The following PARVB variants were observed in gnomAD, a reference collection of about 807,000 sequenced individuals.
PARVB encodes the protein beta-parvin.
A neutral mutation model predicts 47.0 loss-of-function variants in PARVB; 46 were observed. That is an observed-to-expected ratio of 0.98 (90% CI 0.77 to 1.25). PARVB has a LOEUF of 1.25. PARVB is among the 50% of genes most tolerant of loss of function. The pLI, the probability that PARVB is intolerant of heterozygous loss-of-function variation, is 0.00. For synonymous variants in PARVB, 196 were observed against 196.3 expected (o/e 1.00, Z 0.01); for missense variants, 473 against 471.6 (o/e 1.00, Z -0.03).
Position 44,089,603 on chromosome 22 carries a change from C to T in PARVB, c.113-4325C>T, listed in dbSNP as rs1325191191. The T allele has an allele frequency of 3.2e-5, 4 of 125,154 alleles. No individual in the cohort carries two copies. The highest frequency in any genetic ancestry group is 3.0e-4 in the South Asian group (1 of 3,362). 7.8% of individuals were successfully genotyped at this position (125,154 alleles called of 1,614,324 possible). On this transcript the variant is annotated intron_variant, in intron 1 of 12. Coordinates refer to ENST00000338758, the MANE Select transcript of PARVB (RefSeq NM_013327.5). The surrounding 1 kb of genome is among the most constrained non-coding windows in gnomAD (Gnocchi z 4.0). Reference sequence around the variant, plus strand: ...TCACTGAAAGCCAGTAAACTGGCACCGTTCAGGTGGCGGGGGGGTCGGGGG... The same window carrying T: ...TCACTGAAAGCCAGTAAACTGGCACTGTTCAGGTGGCGGGGGGGTCGGGGG...
chr22:44,126,741 G>A (rs187040771), intron 4 of PARVB, among the ~76,000 whole-genome samples: 1 of 152,176 alleles, frequency 6.6e-6, no homozygotes, highest in Non-Finnish European at 1.5e-5. Context: ...AAGCAAACTT[G>A]AGTGTTTTGT....
Position 44,068,920 on chromosome 22 carries a change from C to G in PARVB, c.113-25008C>G. The G allele has an allele frequency of 1.8e-6, 1 of 564,516 alleles. No individual in the cohort carries two copies. The highest frequency in any genetic ancestry group is 1.9e-5 in the African/African-American group (1 of 53,380). The allele number at this position is 564,516 out of a possible 1,614,324, so 35.0% of individuals were successfully genotyped here. On this transcript the variant is annotated intron_variant, in intron 1 of 12. Transcript: ENST00000338758. This position sits in a 1 kb window ranked among gnomAD's most constrained non-coding sequence, Gnocchi z 4.1. Reference sequence around the variant, plus strand: ...CCTGGCCCATGAGGCTGATGGGAGTCAAGACAGAAATAGTGGTCTGTGGTC... The same window carrying G: ...CCTGGCCCATGAGGCTGATGGGAGTGAAGACAGAAATAGTGGTCTGTGGTC...
At chr22:44,091,617 C>T (rs1483313641) in intron 1 of PARVB, among the ~76,000 whole-genome samples, 1 of 152,188 alleles carries the variant, frequency 6.6e-6, no homozygotes, top group Non-Finnish European at 1.5e-5. Context: ...GCAGAACATT[C>T]TCAAGGTTCA....
In PARVB at chr22:44,024,421, A is replaced by C; in HGVS notation, c.82A>C (p.Thr28Pro). The change falls in exon 1 of 13, where the codon ACC becomes CCC. Residue 28 changes from threonine (T) to proline (P), a missense_variant. By Grantham distance (38) the Thr-to-Pro change is conservative (BLOSUM62 -1). Coordinates refer to ENST00000338758, the MANE Select transcript of PARVB (RefSeq NM_013327.5). ...GTCGTTCCTGGGCAAGCTGGGCGGC[A>C]CCCTGGCCAGGAAGCGGAGGGCGCG... ...DESFLGKLGG[T>P]LARKRRAREV... 2 of 1,230,158 alleles carry C rather than the reference A, an allele frequency of 1.6e-6. No homozygotes were observed. The highest frequency in any genetic ancestry group is 4.2e-5 in the East Asian group (1 of 23,550). The allele number at this position is 1,230,158 out of a possible 1,614,324, so 76.2% of individuals were successfully genotyped here.
intron 2 of PARVB, among the ~76,000 whole-genome samples, chr22:44,016,097 TTC>T (rs780909917): frequency 8.7e-5 from 8 of 91,552 alleles, no homozygotes; most frequent in South Asian, 4.1e-4. Context: ...CTTTCTTTCT[TTC>T]TTTTTTTTTT....
chr22:44,116,935 C>T (rs983544074), intron 3 of PARVB, among the ~76,000 whole-genome samples: 1 of 152,050 alleles, frequency 6.6e-6, no homozygotes, highest in African/African-American at 2.4e-5. Context: ...GGCTGTGGCC[C>T]AGGGGCAAGA....
intron 4 of PARVB, among the ~76,000 whole-genome samples, chr22:44,122,548 G>GAGAGAT (rs1569134494): frequency 1.1e-5 from 1 of 92,024 alleles, no homozygotes; most frequent in Non-Finnish European, 2.1e-5. Context: ...GAGAGAGAGA[G>GAGAGAT]AGAGACACAG....
intron 4 of PARVB, 82 bp from the exon 5 acceptor site, chr22:44,131,405 C>G (rs1601653769): frequency 6.7e-7 from 1 of 1,496,334 alleles, no homozygotes; most frequent in Non-Finnish European, 9.1e-7. Flanking sequence ...GCCTCTCAAA[C>G]TGCTGGGATT....
At chr22:44,130,568 A>T (rs1180643214) in intron 4 of PARVB, among the ~76,000 whole-genome samples, 1 of 152,210 alleles carries the variant, frequency 6.6e-6, no homozygotes, top group Non-Finnish European at 1.5e-5. Context: ...AGTTCTGTGA[A>T]TATCTAATCT....
chr22:44,082,029 G>C (rs1417956654), intron 1 of PARVB, among the ~76,000 whole-genome samples: 3 of 152,208 alleles, frequency 2.0e-5, no homozygotes, highest in Admixed American at 6.5e-5. Flanking sequence ...ATTAGGATGA[G>C]AGTGGTCAGG....
intron 10 of PARVB, among the ~76,000 whole-genome samples, chr22:44,157,065 A>C (rs111762451): frequency 2.0e-5 from 3 of 152,384 alleles, no homozygotes; most frequent in African/African-American, 7.2e-5. Flanking sequence ...ATAAGTTAGC[A>C]ACATTCAAAC....
Position 44,100,110 on chromosome 22 carries a change from AG to A in PARVB, c.262del (p.Glu88AsnfsTer21). ...DPTSKEDPKF[K>X]ELVKVLLDWI... is the part of the protein sequence containing the mutation. ...ACTTCCAAGGAAGACCCCAAGTTCA[AG>A]GAACTGGTCAAGGTAAGGAGCTCCG... On this transcript the variant is annotated frameshift_variant, in exon 3 of 13. Coordinates refer to ENST00000338758, the MANE Select transcript of PARVB (RefSeq NM_013327.5). LOFTEE classifies it high-confidence loss of function. 1 of 1,613,514 alleles carries A rather than the reference AG, an allele frequency of 6.2e-7. No homozygotes were observed. The highest frequency in any genetic ancestry group is 8.5e-7 in the Non-Finnish European group (1 of 1,179,438).
rs534256705 is a variant in PARVB, at chr22:44,132,296, C to T, written c.518-598C>T. 2.0e-5 allele frequency among the ~76,000 whole-genome samples: 3 copies of T among 152,288 alleles called. No homozygotes were observed. In the East Asian group the frequency reaches 5.8e-4, roughly 29 times the overall value. Reference sequence around the variant, plus strand: ...GACCTTGGGCAGACCCAGGCTGTCTCGTGGGTGGCTGGGTCCGTGGGTGGG... The same window carrying T: ...GACCTTGGGCAGACCCAGGCTGTCTTGTGGGTGGCTGGGTCCGTGGGTGGG... On this transcript the variant is annotated intron_variant, in intron 5 of 12. Coordinates refer to ENST00000338758, the MANE Select transcript of PARVB (RefSeq NM_013327.5).
chr22:44,145,628 G>A (rs911126418), intron 8 of PARVB: 3 of 152,342 alleles, frequency 2.0e-5, no homozygotes, highest in African/African-American at 7.2e-5. Context: ...CTTGGGTCCT[G>A]TGCCTGGTCC....
chr22:44,069,769 T>A (rs984460844), intron 1 of PARVB, among the ~76,000 whole-genome samples: 2 of 152,140 alleles, frequency 1.3e-5, no homozygotes, highest in Non-Finnish European at 2.9e-5. Context: ...CCTCAGGTGA[T>A]CCACCCACCT....
upstream of PARVB, among the ~76,000 whole-genome samples, chr22:44,023,403 C>T (rs1254246405): frequency 6.6e-6 from 1 of 151,888 alleles, no homozygotes; most frequent in South Asian, 2.1e-4. Flanking sequence ...CCCAGCTACT[C>T]AGGAGGCTGA....
chr22:44,138,622 G>C (rs2053490529), intron 7 of PARVB, among the ~76,000 whole-genome samples: 2 of 152,166 alleles, frequency 1.3e-5, no homozygotes, highest in Admixed American at 6.5e-5. Context: ...GTTTCCTAAG[G>C]CAGCATTGCC....
At chr22:44,044,067 C>A (rs140773321) in intron 1 of PARVB, among the ~76,000 whole-genome samples, 1 of 152,250 alleles carries the variant, frequency 6.6e-6, no homozygotes, top group East Asian at 1.9e-4. Flanking sequence ...CAATAGGAAA[C>A]CCCCAGAAAT....
At chr22:44,019,613 C>A (rs535452469), upstream of PARVB, among the ~76,000 whole-genome samples, 1 of 152,148 alleles carries the variant, frequency 6.6e-6, no homozygotes, top group Non-Finnish European at 1.5e-5. Context: ...GGGTGAGGGC[C>A]GCAGGCTGCT....
Sources: gnomAD v4.1 joint callset for allele counts (sites outside exome capture counted in the v4.1 genomes callset) on GRCh38, gnomAD v4.1.1 for gene constraint, Gnocchi (gnomAD v3.1) non-coding constraint, MANE v1.5 for transcripts, NCBI Gene and HGNC (gene_info 2026-07-23, HGNC 2026-07-21) for gene names.